The following KLF12 variants were observed in gnomAD, a reference collection of about 807,000 sequenced individuals.
The protein encoded by KLF12 is Krueppel-like factor 12.
A neutral mutation model predicts 37.8 loss-of-function variants in KLF12; 9 were observed. The ratio of observed to expected loss-of-function variants is 0.24; its 90% CI spans 0.14 to 0.42. The LOEUF is 0.42. Ranked by LOEUF, KLF12 falls within the 10% of genes least tolerant of loss-of-function variation. KLF12 has a pLI of 1.00. For missense variants in KLF12, 411 were observed against 516.0 expected (o/e 0.80, Z 1.97); for synonymous variants, 208 against 202.1 (o/e 1.03, Z -0.25).
chr13:74,275,035 T>A, the KLF12 span, among the ~76,000 whole-genome samples: 1 of 152,166 alleles, frequency 6.6e-6, no homozygotes, highest in Non-Finnish European at 1.5e-5. Flanking sequence ...ATACTTTTAG[T>A]GAAGCAAGGC....
chr13:73,921,019 T>C lies in KLF12; in HGVS notation c.123+22962A>G, dbSNP rs1002370185. 1.7e-4 allele frequency among the ~76,000 whole-genome samples: 26 copies of C among 152,092 alleles called. 1 individual carries two copies. The highest frequency in any genetic ancestry group is 4.4e-5 in the Non-Finnish European group (3 of 68,002). On this transcript the variant is annotated intron_variant, in intron 3 of 7. Coordinates refer to ENST00000377669, the MANE Select transcript of KLF12 (RefSeq NM_007249.5). ...ATCTCATCAAACAGAGATTAACTGA[T>C]AGGAAAGGAGAGAGAGCAGACACCA...
intron 3 of KLF12, among the ~76,000 whole-genome samples, chr13:73,932,420 C>T (rs1456578037): frequency 2.0e-5 from 3 of 152,084 alleles, no homozygotes; most frequent in African/African-American, 7.2e-5. Context: ...GTCACCAGGT[C>T]GAATGCCTTC....
At chr13:73,968,818 T>C (rs1891245092) in intron 2 of KLF12, among the ~76,000 whole-genome samples, 1 of 152,120 alleles carries the variant, frequency 6.6e-6, no homozygotes, top group South Asian at 2.1e-4. Flanking sequence ...TCCACTTCTC[T>C]TCTCCCTCGA....
intron 3 of KLF12, among the ~76,000 whole-genome samples, chr13:73,925,847 G>C (rs867539360): frequency 6.6e-6 from 1 of 152,292 alleles, no homozygotes; most frequent in East Asian, 1.9e-4. Flanking sequence ...GGATGACTTG[G>C]AGGTGTTTAA....
chr13:74,165,901 C>T, the KLF12 span, among the ~76,000 whole-genome samples: 1 of 152,058 alleles, frequency 6.6e-6, no homozygotes, highest in African/African-American at 2.4e-5. Flanking sequence ...GACCTCTGCC[C>T]ATTGCAAAAT....
chr13:74,113,102 G>C (rs1348133821), intron 1 of KLF12, among the ~76,000 whole-genome samples: 2 of 152,146 alleles, frequency 1.3e-5, no homozygotes, highest in Non-Finnish European at 2.9e-5. Context: ...AAGACCAAGG[G>C]AGGTGAGAAA....
rs372751891 is a variant in KLF12 at position 73,739,517 on chromosome 13, G to A, written c.870-23992C>T. Among the ~76,000 whole-genome samples the A allele has an allele frequency of 3.1e-4, 47 of 152,094 alleles. 2 individuals carry two copies. In the South Asian group the frequency reaches 9.6e-3, roughly 31 times the overall value. ...AGCTCATGTAAGATGTAGAAGTGAA[G>A]GCATAAAATCAATAAAAAAATTAAT... On this transcript the variant is annotated intron_variant, in intron 6 of 7. Transcript: ENST00000377669.
intron 3 of KLF12, among the ~76,000 whole-genome samples, chr13:73,939,622 G>T (rs765622591): frequency 6.6e-6 from 1 of 151,940 alleles, no homozygotes; most frequent in African/African-American, 2.4e-5. Context: ...CAACATAAAC[G>T]AAAGTAATAG....
the KLF12 span, among the ~76,000 whole-genome samples, chr13:74,239,726 G>T: frequency 2.0e-5 from 3 of 149,700 alleles, no homozygotes; most frequent in East Asian, 5.9e-4. Context: ...GATCTTTGTT[G>T]GTTTAAAGTC....
chr13:73,766,129 T>C (rs1472611279), intron 5 of KLF12, among the ~76,000 whole-genome samples: 1 of 152,150 alleles, frequency 6.6e-6, no homozygotes, highest in Non-Finnish European at 1.5e-5. Context: ...CGCTTCTCAA[T>C]GGCTGCTGCA....
intron 3 of KLF12, among the ~76,000 whole-genome samples, chr13:73,867,948 G>T (rs1434492488): frequency 1.3e-5 from 2 of 151,220 alleles, no homozygotes; most frequent in Non-Finnish European, 1.5e-5. Flanking sequence ...TTGAACCTGG[G>T]AGGCAGAGGT....
chr13:74,043,579 G>C (rs1198384141), intron 1 of KLF12, among the ~76,000 whole-genome samples: 1 of 152,140 alleles, frequency 6.6e-6, no homozygotes, highest in Non-Finnish European at 1.5e-5. Flanking sequence ...CTTGGTCCTT[G>C]ACTACGACAA....
chr13:73,715,358 A>T lies in KLF12; in HGVS notation c.1027+10T>A. On this transcript the variant is annotated intron_variant, in intron 7 of 7. Coordinates refer to ENST00000377669, the MANE Select transcript of KLF12 (RefSeq NM_007249.5). ...CTGGCTCACAGGTGAGAAGCCCTGC[A>T]GAGCGGTACCTGTATGTGTCCTCCG... is the stretch of plus-strand genomic sequence containing the variant. The T allele has an allele frequency of 6.2e-7, 1 of 1,610,550 alleles. No homozygotes were observed. The highest frequency in any genetic ancestry group is 2.2e-5 in the East Asian group (1 of 44,834).
intron 3 of KLF12, among the ~76,000 whole-genome samples, chr13:73,859,812 G>GA (rs200854118): frequency 0.011 from 1,620 of 144,910 alleles, 38 homozygotes; most frequent in Admixed American, 0.059. Flanking sequence ...GGATAAAATG[G>GA]AAAAAAAAAA....
At chr13:74,285,304 C>A in the KLF12 span, among the ~76,000 whole-genome samples, 2 of 151,912 alleles carry the variant, frequency 1.3e-5, no homozygotes, top group African/African-American at 4.8e-5. Flanking sequence ...ATTAATAATG[C>A]ATAATAACAA....
chr13:74,200,585 T>C, the KLF12 span, among the ~76,000 whole-genome samples: 12 of 151,934 alleles, frequency 7.9e-5, no homozygotes, highest in Admixed American at 6.6e-4. Context: ...TGGTGAGAGA[T>C]GATAGTCAAG....
At chr13:74,157,089 A>T in the KLF12 span, among the ~76,000 whole-genome samples, 4 of 152,176 alleles carry the variant, frequency 2.6e-5, no homozygotes, top group African/African-American at 9.7e-5. Flanking sequence ...TTTAACAATG[A>T]ATCACAGGGG....
At chr13:73,857,038 A>AT (rs1242573584) in intron 3 of KLF12, among the ~76,000 whole-genome samples, 1 of 152,066 alleles carries the variant, frequency 6.6e-6, no homozygotes, top group Non-Finnish European at 1.5e-5. Flanking sequence ...AATTAAATAA[A>AT]TTTTAAAACA....
At chr13:74,158,708 TG>T in the KLF12 span, among the ~76,000 whole-genome samples, 1 of 151,650 alleles carries the variant, frequency 6.6e-6, no homozygotes, top group African/African-American at 2.4e-5. Context: ...TAATGTGGGG[TG>T]GGGATAAAAT....
Sources: gnomAD v4.1 joint callset for allele counts (sites outside exome capture counted in the v4.1 genomes callset) on GRCh38, gnomAD v4.1.1 for gene constraint, MANE v1.5 for transcripts, NCBI Gene and HGNC (gene_info 2026-07-23, HGNC 2026-07-21) for gene names.